C16orf89: variants seen among roughly 807,000 people sequenced by gnomAD.
The protein encoded by C16orf89 is UPF0764 protein C16orf89.
In C16orf89, 57 loss-of-function variants were observed where a neutral mutation model predicts 41.5. The observed-to-expected ratio is 1.38, with a 90% CI of 1.11 to 1.71. The LOEUF (loss-of-function observed/expected upper bound fraction) is 1.71, where lower values mean the gene tolerates loss of function less well. Among genes scored for constraint, C16orf89 ranks in the 40% most tolerant of loss-of-function variants. The probability of loss-of-function intolerance (pLI) is 0.00; values close to 1 mark genes in which losing one functional copy is unlikely to be tolerated. For synonymous variants in C16orf89, 223 were observed against 190.6 expected (o/e 1.17, Z -1.40); for missense variants, 575 against 445.9 (o/e 1.29, Z -2.61).
In C16orf89 at chr16:5,047,907, C is replaced by G. The variant is rs372664910; in HGVS notation, c.926G>C (p.Arg309Thr). ...AAATTGTTTTTCTCGCCTCTTCACT[C>G]TCCTCGAAAAATGCTGCTGATATTG... ...AIQYQQHFSR[R>T]VKRREKQFPD... Residue 309 changes from arginine to threonine, a missense_variant, in exon 7 of 8, where the codon AGA becomes ACA. By Grantham distance (71) the Arg-to-Thr change is moderately conservative. Transcript: ENST00000472572. 4.3e-5 allele frequency: 69 copies of G among 1,603,200 alleles called. No individual in the cohort carries two copies. The highest frequency in any genetic ancestry group is 2.0e-4 in the African/African-American group (15 of 74,862).
intron 1 of C16orf89, among the ~76,000 whole-genome samples, chr16:5,063,248 T>C (rs1483494395): frequency 1.3e-5 from 2 of 152,042 alleles, no homozygotes; most frequent in Non-Finnish European, 2.9e-5. Context: ...TTAGGGAGGA[T>C]GGGCTAGGTT....
chr16:5,055,810 A>ATT, intron 5 of C16orf89: 1 of 1,424,596 alleles, frequency 7.0e-7, no homozygotes, highest in Non-Finnish European at 9.5e-7. Flanking sequence ...AATGAATATA[A>ATT]TTTTTGAGTG....
At chr16:5,046,336 T>C (rs116366132) in intron 7 of C16orf89, among the ~76,000 whole-genome samples, 2,247 of 151,648 alleles carry the variant, frequency 0.015, 50 homozygotes, top group African/African-American at 0.051. Flanking sequence ...TTATTTTTTA[T>C]TTTATTTTAT....
chr16:5,044,439 G>A lies in C16orf89; in HGVS notation c.995C>T (p.Ala332Val), dbSNP rs776621207. 6.2e-7 allele frequency: 1 copy of A among 1,612,652 alleles called. No homozygotes were observed. The highest frequency in any genetic ancestry group is 1.1e-5 in the South Asian group (1 of 91,008). ...SSHNTATAVA[A>V]LGGFLYILAE... ...CAGGATGTATAGGAAGCCACCCAGG[G>A]CTGCCACTGCTGTGGCTGTGTTGTG... Residue 332 changes from alanine (A) to valine (V), a missense_variant, in exon 8 of 8, where the codon GCC becomes GTC. Ala to Val is a moderately conservative substitution (Grantham distance 64). Transcript: ENST00000472572.
chr16:5,056,586 T>C (rs11643483), intron 4 of C16orf89, among the ~76,000 whole-genome samples: 1,650 of 152,146 alleles, frequency 0.011, 18 homozygotes, highest in Middle Eastern at 0.027. Context: ...GGCAATGCAA[T>C]GTACAACGAG....
At chr16:5,055,708 C>T (rs775475110) in intron 5 of C16orf89, 16 of 1,535,760 alleles carry the variant, frequency 1.0e-5, no homozygotes, top group African/African-American at 1.4e-5. Context: ...GTGTAGAGCT[C>T]CGTCACTGGG....
chr16:5,064,813 G>C (rs1956701781), intron 1 of C16orf89, among the ~76,000 whole-genome samples: 1 of 152,168 alleles, frequency 6.6e-6, no homozygotes, highest in African/African-American at 2.4e-5. Context: ...CTGTTAGGTG[G>C]GGCCGCTTTC....
chr16:5,044,640 G>T (rs775119793), intron 7 of C16orf89, 162 bp from the exon 8 acceptor site: 1 of 1,362,146 alleles, frequency 7.3e-7, no homozygotes, highest in South Asian at 1.3e-5. Context: ...TCAGGAGTTC[G>T]AGACCAGCAT....
At chr16:5,051,985 C>G (rs1956404815) in intron 6 of C16orf89, among the ~76,000 whole-genome samples, 1 of 151,414 alleles carries the variant, frequency 6.6e-6, no homozygotes, top group Non-Finnish European at 1.5e-5. Context: ...TGGCTGTAAT[C>G]CCAGCTACTC....
intron 5 of C16orf89, among the ~76,000 whole-genome samples, 181 bp from the exon 6 acceptor site, chr16:5,055,531 C>A (rs1956480461): frequency 6.6e-6 from 1 of 152,214 alleles, no homozygotes; most frequent in Non-Finnish European, 1.5e-5. Flanking sequence ...TAGGGGCTCC[C>A]ATGCTTGTGT....
intron 4 of C16orf89, among the ~76,000 whole-genome samples, chr16:5,057,245 A>G (rs1453881068): frequency 6.8e-6 from 1 of 147,682 alleles, no homozygotes; most frequent in African/African-American, 2.5e-5. Flanking sequence ...TCAAAAAAAA[A>G]AAAAGAAGGA....
At position 5,065,826 on chromosome 16, in the gene C16orf89, G is replaced by C; in HGVS notation, c.83C>G (p.Thr28Ser). 3.7e-6 allele frequency: 6 copies of C among 1,614,224 alleles called. No homozygotes were observed. In the South Asian group the frequency reaches 5.5e-5, roughly 15 times the overall value. ...LWSSSLPGLD[T>S]AESKATIADL... ...TGCAATGGTGGCTTTACTTTCAGCA[G>C]TGTCCAGCCCAGGCAGTGAGGAGGA... Residue 28 changes from threonine to serine, a missense_variant, in exon 1 of 8, where the codon ACT becomes AGT. Physicochemically the swap from Thr to Ser is moderately conservative, Grantham distance 58. Coordinates refer to ENST00000472572, the MANE Select transcript of C16orf89 (RefSeq NM_001098514.3).
intron 6 of C16orf89, among the ~76,000 whole-genome samples, chr16:5,053,541 GT>G (rs550610070): frequency 0.039 from 5,496 of 141,438 alleles, 233 homozygotes; most frequent in East Asian, 0.23. Context: ...ACAATTTGTG[GT>G]TTTTTTTTTT....
chr16:5,054,393 A>G (rs1247316439), intron 6 of C16orf89, among the ~76,000 whole-genome samples: 1 of 152,148 alleles, frequency 6.6e-6, no homozygotes, highest in Non-Finnish European at 1.5e-5. Context: ...ACCCTCTGCT[A>G]CGTCACCTCC....
intron 5 of C16orf89, 30 bp from the exon 6 acceptor site, chr16:5,055,380 G>C (rs1248996287): frequency 6.5e-7 from 1 of 1,546,862 alleles, no homozygotes. Context: ...CCCTCTGCAG[G>C]CCTGCCCCCC....
At position 5,047,086 on chromosome 16, in the gene C16orf89, C is replaced by T. The variant is rs1007622084; in HGVS notation, c.955+792G>A. On this transcript the variant is annotated intron_variant, in intron 7 of 7. Transcript: ENST00000472572. Reference sequence around the variant, plus strand: ...CCCAGGATGTCTTGCCTACTGGTTTCGACCAACAGGAGGTGCAGGTGGAAT... The same window carrying T: ...CCCAGGATGTCTTGCCTACTGGTTTTGACCAACAGGAGGTGCAGGTGGAAT... Among the ~76,000 whole-genome samples, 4 of 152,122 alleles carry T rather than the reference C, an allele frequency of 2.6e-5. 1 individual carries two copies. The South Asian group carries it at 8.3e-4, about 32-fold the overall frequency.
Position 5,060,229 on chromosome 16 carries a change from C to G in C16orf89, c.509+57G>C. 5.2e-6 allele frequency: 8 copies of G among 1,540,326 alleles called. No individual in the cohort carries two copies. The South Asian group carries it at 7.5e-5, about 14-fold the overall frequency. On this transcript the variant is annotated intron_variant, in intron 3 of 7. Coordinates refer to ENST00000472572, the MANE Select transcript of C16orf89 (RefSeq NM_001098514.3). ...TTGGAGAAGGAGGAGCGGGACAGGA[C>G]CAGCTGAGAACTAGTGCGTTTGGGT...
Position 5,062,709 on chromosome 16 carries a change from A to G in C16orf89, c.209-135T>C, listed in dbSNP as rs1324181582. 4.1e-5 allele frequency: 42 copies of G among 1,017,128 alleles called. 1 individual carries two copies. Among genetic ancestry groups the G allele is most frequent in the Non-Finnish European group, 7.0e-6 (5 of 717,864 alleles). The allele number at this position is 1,017,128 out of a possible 1,614,324, so 63.0% of individuals were successfully genotyped here. A position where few individuals can be genotyped will look rare whatever the true frequency, so the allele number is the denominator to read the frequency against. Reference sequence around the variant, plus strand: ...CTGCCTTCTCCAGCACTCAGAGGGGAAGGATTTACTGAGCTGACTGGAAAT... The same window carrying G: ...CTGCCTTCTCCAGCACTCAGAGGGGGAGGATTTACTGAGCTGACTGGAAAT... On this transcript the variant is annotated intron_variant, in intron 1 of 7. Coordinates refer to ENST00000472572, the MANE Select transcript of C16orf89 (RefSeq NM_001098514.3).
chr16:5,047,840 G>A, intron 7 of C16orf89, 38 bp downstream of exon 7: 3 of 1,198,348 alleles, frequency 2.5e-6, no homozygotes, highest in Non-Finnish European at 3.7e-6. Context: ...GGATATCTTA[G>A]TTTCATGTCA....
Sources: gnomAD v4.1 joint callset for allele counts (sites outside exome capture counted in the v4.1 genomes callset) on GRCh38, gnomAD v4.1.1 for gene constraint, MANE v1.5 for transcripts, NCBI Gene and HGNC (gene_info 2026-07-23, HGNC 2026-07-21) for gene names.